The following PPIL6 variants were observed in gnomAD, a reference collection of about 807,000 sequenced individuals.
PPIL6 encodes probable inactive peptidyl-prolyl cis-trans isomerase-like 6.
Under a neutral mutation model 36.8 loss-of-function variants are expected in PPIL6, and 39 were observed. The observed-to-expected ratio is 1.06, with a 90% CI of 0.82 to 1.38. The LOEUF (loss-of-function observed/expected upper bound fraction) is 1.38, where lower values mean the gene tolerates loss of function less well. Among genes scored for constraint, PPIL6 ranks in the 40% most tolerant of loss-of-function variants. The pLI, the probability that PPIL6 is intolerant of heterozygous loss-of-function variation, is 0.00. For synonymous variants in PPIL6, 123 were observed against 134.1 expected, an observed-to-expected ratio of 0.92 and a Z score of 0.57; for missense variants, 368 against 379.1, an observed-to-expected ratio of 0.97 and a Z score of 0.24.
At chr6:109,406,458 T>G (rs1483972576) in intron 6 of PPIL6, among the ~76,000 whole-genome samples, 1 of 152,156 alleles carries the variant, frequency 6.6e-6, no homozygotes, top group Non-Finnish European at 1.5e-5. Context: ...ACTCATATTC[T>G]TTGGTAGTGT....
chr6:109,392,676 A>C lies in PPIL6; in HGVS notation c.*150T>G. On this transcript the variant is annotated 3_prime_UTR_variant, in exon 8 of 8. Transcript: ENST00000521072. The stretch of plus-strand genomic sequence containing the variant: ...TCTCTATGACAGAGACAGGAAAGGA[A>C]GATGGGGAGGGATTGGGTGTAGATG... 3.5e-6 allele frequency: 2 copies of C among 576,222 alleles called. No homozygotes were observed. The highest frequency in any genetic ancestry group is 6.7e-5 in the Admixed American group (2 of 30,058). The allele number at this position is 576,222 out of a possible 1,614,324, so 35.7% of individuals were successfully genotyped here.
chr6:109,405,962 G>A (rs1324435201), intron 6 of PPIL6, among the ~76,000 whole-genome samples: 1 of 152,108 alleles, frequency 6.6e-6, no homozygotes, highest in African/African-American at 2.4e-5. Context: ...CATCAAGAAA[G>A]TTTTTCTTAA....
chr6:109,393,810 T>C (rs948858346), intron 7 of PPIL6, among the ~76,000 whole-genome samples: 1 of 152,200 alleles, frequency 6.6e-6, no homozygotes, highest in South Asian at 2.1e-4. Context: ...CACCTCCTGG[T>C]CTTCCTTCAG....
At chr6:109,440,981 A>C (rs1774840175), upstream of PPIL6, 1 of 796,762 alleles carries the variant, frequency 1.3e-6, no homozygotes, top group Admixed American at 2.5e-5. Context: ...GACCTGAGCC[A>C]CGCGGGCTTG....
In PPIL6 at chr6:109,431,217, GGGTT is replaced by G. The variant is rs1562272757; in HGVS notation, c.356_359del (p.Lys119ThrfsTer17). Reference sequence around the variant, plus strand: ...CAGTGAGTGCGTCATAAAGTGCAGAGGGTTTAATGTCAACTATATCCCACACCTC... The same window carrying G: ...CAGTGAGTGCGTCATAAAGTGCAGAGTAATGTCAACTATATCCCACACCTC... On this transcript the variant is annotated frameshift_variant, in exon 3 of 8. Transcript: ENST00000521072. LOFTEE classifies it high-confidence loss of function. The G allele has an allele frequency of 6.2e-7, 1 of 1,614,058 alleles. No individual in the cohort carries two copies. The highest frequency in any genetic ancestry group is 8.5e-7 in the Non-Finnish European group (1 of 1,179,966).
chr6:109,413,712 A>G lies in PPIL6; in HGVS notation c.688+5475T>C, dbSNP rs1057463703. Among the ~76,000 whole-genome samples the G allele has an allele frequency of 2.0e-5, 3 of 152,242 alleles. No homozygotes were observed. The highest frequency in any genetic ancestry group is 7.2e-5 in the African/African-American group (3 of 41,466). ...AATTGCCAAGATTTGGAAGCTACCT[A>G]AGTGTCCATCAACAGAAGAATGGAT... On this transcript the variant is annotated intron_variant, in intron 6 of 7. Coordinates refer to ENST00000521072, the MANE Select transcript of PPIL6 (RefSeq NM_173672.5). This position sits in a 1 kb window ranked among gnomAD's most constrained non-coding sequence, Gnocchi z 4.6.
intron 3 of PPIL6, among the ~76,000 whole-genome samples, chr6:109,429,770 G>T (rs1486244408): frequency 2.6e-5 from 4 of 152,214 alleles, no homozygotes; most frequent in Admixed American, 2.6e-4. Flanking sequence ...CTGCTGCCAG[G>T]CCTCATTGGT....
intron 3 of PPIL6, among the ~76,000 whole-genome samples, chr6:109,430,946 T>C (rs1054760664): frequency 4.6e-5 from 7 of 152,242 alleles, no homozygotes; most frequent in African/African-American, 1.2e-4. Context: ...TGCACAGAGA[T>C]GATCTCCCCG....
chr6:109,425,277 G>A lies in PPIL6; in HGVS notation c.631+1570C>T, dbSNP rs557583438. On this transcript the variant is annotated intron_variant, in intron 5 of 7. Coordinates refer to ENST00000521072, the MANE Select transcript of PPIL6 (RefSeq NM_173672.5). ...TAGCAATCCAACTTTTTCCCAAGCC[G>A]TCCTTAACATTGCTGTCTCACTGTT... Among the ~76,000 whole-genome samples the A allele has an allele frequency of 3.3e-5, 5 of 152,254 alleles. No individual in the cohort carries two copies. The South Asian group carries it at 8.3e-4, about 25-fold the overall frequency.
At position 109,412,507 on chromosome 6, in the gene PPIL6, G is replaced by A. The variant is rs184204802; in HGVS notation, c.688+6680C>T. Among the ~76,000 whole-genome samples, 200 of 152,298 alleles carry A rather than the reference G, an allele frequency of 1.3e-3. 3 individuals carry two copies. The highest frequency in any genetic ancestry group is 9.8e-3 in the East Asian group (51 of 5,190). On this transcript the variant is annotated intron_variant, in intron 6 of 7. Coordinates refer to ENST00000521072, the MANE Select transcript of PPIL6 (RefSeq NM_173672.5). ...CTTCAAATTATACTACAGAGCTATAGTAACCAAAACAGCATGATACTGGCA... is the reference window on the plus strand; with the variant it reads ...CTTCAAATTATACTACAGAGCTATAATAACCAAAACAGCATGATACTGGCA...
At chr6:109,407,384 C>T (rs983749661) in intron 6 of PPIL6, among the ~76,000 whole-genome samples, 4 of 152,004 alleles carry the variant, frequency 2.6e-5, no homozygotes, top group Admixed American at 6.6e-5. Flanking sequence ...GGACTACAGG[C>T]GCCCGCCACC....
At position 109,402,513 on chromosome 6, in the gene PPIL6, A is replaced by T. The variant is rs200278336; in HGVS notation, c.689-2343T>A. Among the ~76,000 whole-genome samples the T allele has an allele frequency of 2.0e-5, 3 of 151,968 alleles. No individual in the cohort carries two copies. The East Asian group carries it at 5.8e-4, about 29-fold the overall frequency. On this transcript the variant is annotated intron_variant, in intron 6 of 7. Transcript: ENST00000521072. ...ATTGCGCCAATGCACTCCAGCCTGG[A>T]TGACAGAGAAAGACTCGGTCTCAAG...
At chr6:109,409,130 T>C (rs945591177) in intron 6 of PPIL6, among the ~76,000 whole-genome samples, 1 of 152,240 alleles carries the variant, frequency 6.6e-6, no homozygotes, top group African/African-American at 2.4e-5. Flanking sequence ...TCATTTCAAT[T>C]AATGCTGAAA....
chr6:109,439,833 G>A (rs1469955788), intron 1 of PPIL6, among the ~76,000 whole-genome samples: 3 of 152,190 alleles, frequency 2.0e-5, no homozygotes, highest in African/African-American at 4.8e-5. Flanking sequence ...CTGCATTTCA[G>A]GTTGTAAGTG....
Position 109,400,055 on chromosome 6 carries a change from A to C in PPIL6, c.804T>G (p.Asp268Glu). Residue 268 changes from aspartate (D) to glutamate (E), a missense_variant, in exon 7 of 8, where the codon GAT (aspartate) becomes GAG (glutamate). Transcript: ENST00000521072. The stretch of plus-strand genomic sequence containing the variant: ...CATACCCAAAAGCCACAAATTTTCT[A>C]TCTAGATAAGGAGTTGCTTGCAGTG... ...YITLQATPYLDRKFVAFGQLI... is the reference protein window; with the variant it reads ...YITLQATPYLERKFVAFGQLI... The C allele has an allele frequency of 6.2e-7, 1 of 1,612,344 alleles. No homozygotes were observed. The highest frequency in any genetic ancestry group is 8.5e-7 in the Non-Finnish European group (1 of 1,178,752).
intron 7 of PPIL6, among the ~76,000 whole-genome samples, chr6:109,394,149 T>C (rs1449298397): frequency 1.3e-5 from 2 of 152,058 alleles, no homozygotes; most frequent in Non-Finnish European, 2.9e-5. Flanking sequence ...GGCAGCTGGA[T>C]TGCCTGAGCA....
intron 2 of PPIL6, among the ~76,000 whole-genome samples, chr6:109,434,947 C>T (rs1242685893): frequency 6.6e-6 from 1 of 152,152 alleles, no homozygotes; most frequent in Non-Finnish European, 1.5e-5. Flanking sequence ...TCTGCTAGCC[C>T]TAAGGTGTGG....
At chr6:109,426,349 T>A (rs960433759) in intron 5 of PPIL6, among the ~76,000 whole-genome samples, 2 of 152,182 alleles carry the variant, frequency 1.3e-5, no homozygotes, top group Non-Finnish European at 2.9e-5. Context: ...ATCAGACACC[T>A]AGTCTATGTA....
chr6:109,440,894 G>C, upstream of PPIL6: 1 of 556,682 alleles, frequency 1.8e-6, no homozygotes, highest in South Asian at 2.3e-5. Context: ...TTCGGCAGCG[G>C]ATCGCCTTTC....
Sources: gnomAD v4.1 joint callset for allele counts (sites outside exome capture counted in the v4.1 genomes callset) on GRCh38, gnomAD v4.1.1 for gene constraint, Gnocchi (gnomAD v3.1) non-coding constraint, MANE v1.5 for transcripts, NCBI Gene and HGNC (gene_info 2026-07-23, HGNC 2026-07-21) for gene names.